KDM1B: variants seen among roughly 807,000 people sequenced by gnomAD.
KDM1B encodes the protein lysine-specific histone demethylase 2.
Under a neutral mutation model 107.4 loss-of-function variants are expected in KDM1B, and 63 were observed. The ratio of observed to expected loss-of-function variants is 0.59; its 90% CI spans 0.48 to 0.72. KDM1B has a LOEUF of 0.72. Ranked by LOEUF, KDM1B falls within the 30% of genes least tolerant of loss-of-function variation. The probability of loss-of-function intolerance (pLI) is 0.00; values close to 1 mark genes in which losing one functional copy is unlikely to be tolerated. For missense variants in KDM1B, 749 were observed against 1,020.8 expected, an observed-to-expected ratio of 0.73 and a Z score of 3.63; for synonymous variants, 363 against 363.9, an observed-to-expected ratio of 1.00 and a Z score of 0.03.
At chr6:18,156,273 G>C (rs897078047) in intron 2 of KDM1B, among the ~76,000 whole-genome samples, 3 of 152,148 alleles carry the variant, frequency 2.0e-5, no homozygotes, top group Admixed American at 1.3e-4. Flanking sequence ...GTCAACGGCC[G>C]GGCAGCTGAC....
chr6:18,164,003 C>T (rs1785131002), intron 5 of KDM1B, among the ~76,000 whole-genome samples: 2 of 152,284 alleles, frequency 1.3e-5, no homozygotes, highest in East Asian at 3.9e-4. Flanking sequence ...TTCTGATTTA[C>T]TCCTACCTGA....
chr6:18,194,385 C>G (rs762014763), intron 10 of KDM1B, among the ~76,000 whole-genome samples: 2 of 152,088 alleles, frequency 1.3e-5, no homozygotes, highest in African/African-American at 2.4e-5. Flanking sequence ...TCAGTAGGAT[C>G]AGCAGCCTGG....
rs1447186080 is a variant in KDM1B, at chr6:18,197,942, T to TC, written c.1221+281_1221+282insC. On this transcript the variant is annotated intron_variant, in intron 12 of 21. Coordinates refer to ENST00000650836, the MANE Select transcript of KDM1B (RefSeq NM_001364614.2). This position sits in a 1 kb window ranked among gnomAD's most constrained non-coding sequence, Gnocchi z 4.5. ...TAGAAATTCTTTTTTTTTTTTTTTT[T>TC]TGAGACAGAGTCTTGCTCTGTCGCC... 6.7e-6 allele frequency among the ~76,000 whole-genome samples: 1 copy of TC among 149,290 alleles called. No individual in the cohort carries two copies. Among genetic ancestry groups the TC allele is most frequent in the Non-Finnish European group, 1.5e-5 (1 of 67,828 alleles).
intron 7 of KDM1B, among the ~76,000 whole-genome samples, chr6:18,174,322 A>G (rs1246131237): frequency 2.0e-5 from 3 of 152,132 alleles, no homozygotes; most frequent in African/African-American, 7.2e-5. Flanking sequence ...TTAGTATCCA[A>G]TAAAAAGCCT....
intron 6 of KDM1B, among the ~76,000 whole-genome samples, chr6:18,166,601 T>C (rs1462741860): frequency 6.6e-6 from 1 of 152,152 alleles, no homozygotes; most frequent in African/African-American, 2.4e-5. Flanking sequence ...TCCTAGCCCT[T>C]TGGTAGGCTG....
intron 15 of KDM1B, among the ~76,000 whole-genome samples, chr6:18,206,099 A>T (rs1561946705): frequency 3.3e-5 from 5 of 151,620 alleles, no homozygotes; most frequent in African/African-American, 1.2e-4. Flanking sequence ...AAGTTTGAAA[A>T]CCATGACTTC....
chr6:18,161,551 C>T, intron 4 of KDM1B, 97 bp downstream of exon 4: 1 of 1,300,152 alleles, frequency 7.7e-7, no homozygotes, highest in South Asian at 1.3e-5. Flanking sequence ...AAGATAGATA[C>T]AGATACTATA....
rs1029440425 is a variant in KDM1B, at chr6:18,214,087, T to A, written c.2109+306T>A. On this transcript the variant is annotated intron_variant, in intron 19 of 21. Coordinates refer to ENST00000650836, the MANE Select transcript of KDM1B (RefSeq NM_001364614.2). The surrounding 1 kb of genome is among the most constrained non-coding windows in gnomAD (Gnocchi z 4.4). ...AGTTGGAGACATCAGAGTCAATGAG[T>A]GGTGCTTGAAACTTCCTCTCTGAGG... 1.3e-5 allele frequency among the ~76,000 whole-genome samples: 2 copies of A among 152,046 alleles called. No individual in the cohort carries two copies. Among genetic ancestry groups the A allele is most frequent in the East Asian group, 3.9e-4 (2 of 5,186 alleles).
intron 10 of KDM1B, among the ~76,000 whole-genome samples, chr6:18,192,614 T>C (rs188899336): frequency 1.3e-5 from 2 of 152,090 alleles, no homozygotes; most frequent in Admixed American, 1.3e-4. Flanking sequence ...GAGTTTCCTA[T>C]AAGTAAATTA....
intron 21 of KDM1B, 103 bp from the exon 22 acceptor site, chr6:18,221,806 C>A: frequency 1.1e-6 from 1 of 923,166 alleles, no homozygotes; most frequent in Non-Finnish European, 1.7e-6. Context: ...ACAGGAGTGG[C>A]ACAAATCTTT....
Position 18,212,083 on chromosome 6 carries a change from C to T in KDM1B, c.1867-405C>T. The stretch of plus-strand genomic sequence containing the variant: ...GCCTCAGCTTCCCAAGTATCTGGCA[C>T]TACAGGCACCTGCCACCACACCTGG... On this transcript the variant is annotated intron_variant, in intron 17 of 21. Transcript: ENST00000650836. This position sits in a 1 kb window ranked among gnomAD's most constrained non-coding sequence, Gnocchi z 5.2. 5.4e-6 allele frequency: 1 copy of T among 184,206 alleles called. No homozygotes were observed. The highest frequency in any genetic ancestry group is 1.1e-5 in the Non-Finnish European group (1 of 87,714). The allele number at this position is 184,206 out of a possible 1,614,324, so 11.4% of individuals were successfully genotyped here. A position where few individuals can be genotyped will look rare whatever the true frequency, so the allele number is the denominator to read the frequency against.
intron 10 of KDM1B, among the ~76,000 whole-genome samples, chr6:18,192,486 T>TA (rs1787343349): frequency 6.6e-6 from 1 of 152,146 alleles, no homozygotes; most frequent in South Asian, 2.1e-4. Flanking sequence ...CTATATGAAT[T>TA]ATAGCCAGGT....
chr6:18,194,905 C>A (rs1402061464), intron 10 of KDM1B, among the ~76,000 whole-genome samples: 1 of 152,126 alleles, frequency 6.6e-6, no homozygotes, highest in African/African-American at 2.4e-5. Flanking sequence ...TTTTCATTAT[C>A]CCAAGAGGGA....
At position 18,204,970 on chromosome 6, in the gene KDM1B, G is replaced by A. The variant is rs568438221; in HGVS notation, c.1532-567G>A. 2.6e-5 allele frequency among the ~76,000 whole-genome samples: 4 copies of A among 152,330 alleles called. No homozygotes were observed. The South Asian group carries it at 8.3e-4, about 32-fold the overall frequency. ...GTGCTAGCTTTGCCTGGCTGTGGTT[G>A]GGGAATTTATTACATAGGCAACCAG... On this transcript the variant is annotated intron_variant, in intron 14 of 21. Coordinates refer to ENST00000650836, the MANE Select transcript of KDM1B (RefSeq NM_001364614.2). This position sits in a 1 kb window ranked among gnomAD's most constrained non-coding sequence, Gnocchi z 4.9.
At chr6:18,208,894 T>A (rs1481325836) in intron 17 of KDM1B, among the ~76,000 whole-genome samples, 2 of 150,798 alleles carry the variant, frequency 1.3e-5, no homozygotes, top group East Asian at 3.9e-4. Context: ...GACCTCATGA[T>A]CCGCCCGCCT....
intron 21 of KDM1B, among the ~76,000 whole-genome samples, chr6:18,220,477 C>T (rs1266877864): frequency 5.9e-5 from 9 of 152,208 alleles, no homozygotes; most frequent in African/African-American, 1.7e-4. Context: ...ACCTGGGAGG[C>T]GGAGGTTGCA....
intron 6 of KDM1B, 76 bp from the exon 7 acceptor site, chr6:18,171,287 A>G: frequency 1.2e-6 from 1 of 806,592 alleles, no homozygotes. Context: ...GGAGAAGATG[A>G]CCAAGTGGTG....
At chr6:18,176,263 G>C (rs968842242) in intron 7 of KDM1B, among the ~76,000 whole-genome samples, 3 of 152,122 alleles carry the variant, frequency 2.0e-5, no homozygotes, top group Admixed American at 6.6e-5. Context: ...CTTGGTCGCT[G>C]TTGGTGTATA....
rs1788647893 is a variant in KDM1B, at chr6:18,209,330, A to G, written c.1866+1124A>G. 6.6e-6 allele frequency among the ~76,000 whole-genome samples: 1 copy of G among 152,220 alleles called. No individual in the cohort carries two copies. ...AATTGATGAACTATCACTAGTTCCT[A>G]GACTAGCTATGCTTCCTACACTTCA... On this transcript the variant is annotated intron_variant, in intron 17 of 21. Coordinates refer to ENST00000650836, the MANE Select transcript of KDM1B (RefSeq NM_001364614.2). This position sits in a 1 kb window ranked among gnomAD's most constrained non-coding sequence, Gnocchi z 4.3.
Sources: gnomAD v4.1 joint callset for allele counts (sites outside exome capture counted in the v4.1 genomes callset) on GRCh38, gnomAD v4.1.1 for gene constraint, Gnocchi (gnomAD v3.1) non-coding constraint, MANE v1.5 for transcripts, NCBI Gene and HGNC (gene_info 2026-07-23, HGNC 2026-07-21) for gene names.